Variants in HPSE2 observed in about 807,000 individuals in gnomAD.
The protein encoded by HPSE2 is heparanase 2 (inactive), also known as inactive heparanase-2.
HPSE2 carries 38 observed loss-of-function variants against 60.5 expected under a neutral mutation model. The observed-to-expected ratio is 0.63, with a 90% CI of 0.48 to 0.82. The LOEUF (loss-of-function observed/expected upper bound fraction) is 0.82, where lower values mean the gene tolerates loss of function less well. Among genes scored for constraint, HPSE2 ranks in the 40% least tolerant of loss-of-function variants. The probability of loss-of-function intolerance (pLI) is 0.00; values close to 1 mark genes in which losing one functional copy is unlikely to be tolerated. For missense variants in HPSE2, 713 were observed against 740.4 expected (o/e 0.96, Z 0.43); for synonymous variants, 295 against 293.2 (o/e 1.01, Z -0.06).
At chr10:99,115,270 C>G (rs1844640038) in intron 3 of HPSE2, among the ~76,000 whole-genome samples, 2 of 151,860 alleles carry the variant, frequency 1.3e-5, no homozygotes, top group South Asian at 4.2e-4. Context: ...TCTCCTGCCT[C>G]AGCCTCCCAA....
intron 9 of HPSE2, among the ~76,000 whole-genome samples, chr10:98,576,778 G>C (rs1055745865): frequency 6.6e-5 from 10 of 151,520 alleles, no homozygotes; most frequent in African/African-American, 1.9e-4. Flanking sequence ...CAGATCTCCA[G>C]GACCCCTGCT....
In HPSE2 at chr10:98,457,187, C is replaced by T. The variant is rs900334979; in HGVS notation, c.*2387G>A. The T allele has an allele frequency of 2.0e-5, 3 of 151,804 alleles. No individual in the cohort carries two copies. The highest frequency in any genetic ancestry group is 1.3e-4 in the Admixed American group (2 of 15,258). 9.4% of individuals were successfully genotyped at this position (151,804 alleles called of 1,614,324 possible). On this transcript the variant is annotated 3_prime_UTR_variant, in exon 12 of 12. Coordinates refer to ENST00000370552, the MANE Select transcript of HPSE2 (RefSeq NM_021828.5). ...GAAAGATAAAAGAAGCAGGAATTACCCATATTCTGCAAGGTTTAGTAAAAA... is the reference window on the plus strand; with the variant it reads ...GAAAGATAAAAGAAGCAGGAATTACTCATATTCTGCAAGGTTTAGTAAAAA...
Position 98,681,075 on chromosome 10 carries a change from A to ATT in HPSE2, c.1004+12823_1004+12824dup, listed in dbSNP as rs35135455. On this transcript the variant is annotated intron_variant, in intron 6 of 11. Transcript: ENST00000370552. ...CACCATGCCTGTCCCTGAATTGGTC[A>ATT]TTTTTTTTTTAATGGAATAACTTTT... 5.1e-4 allele frequency among the ~76,000 whole-genome samples: 75 copies of ATT among 148,098 alleles called. No individual in the cohort carries two copies. In the Middle Eastern group the frequency reaches 0.014, roughly 27 times the overall value.
At chr10:99,186,307 GGC>G (rs773174438) in intron 2 of HPSE2, among the ~76,000 whole-genome samples, 2 of 151,996 alleles carry the variant, frequency 1.3e-5, no homozygotes, top group Non-Finnish European at 2.9e-5. Flanking sequence ...CACTTTGAGA[GGC>G]CAAGGCAGGC....
At chr10:98,966,580 G>T (rs954730370) in intron 3 of HPSE2, among the ~76,000 whole-genome samples, 1 of 152,130 alleles carries the variant, frequency 6.6e-6, no homozygotes, top group Non-Finnish European at 1.5e-5. Context: ...TAAATGGTGG[G>T]ACTGTATTTT....
the HPSE2 span, among the ~76,000 whole-genome samples, chr10:99,246,266 C>T: frequency 1.3e-5 from 2 of 152,146 alleles, no homozygotes; most frequent in Non-Finnish European, 2.9e-5. Context: ...TTATTGAGGT[C>T]TGACAATGGA....
intron 3 of HPSE2, among the ~76,000 whole-genome samples, chr10:98,894,502 T>C (rs1200674244): frequency 6.6e-6 from 1 of 151,736 alleles, no homozygotes; most frequent in East Asian, 1.9e-4. Context: ...AAAAGTTCAG[T>C]AAAAGGTTAA....
At chr10:98,583,357 G>A (rs1471450908) in intron 9 of HPSE2, among the ~76,000 whole-genome samples, 1 of 152,232 alleles carries the variant, frequency 6.6e-6, no homozygotes, top group Non-Finnish European at 1.5e-5. Context: ...CCTCTGTAGA[G>A]TGTACTTTCG....
chr10:98,797,684 A>C (rs890253815), intron 3 of HPSE2, among the ~76,000 whole-genome samples: 1 of 151,928 alleles, frequency 6.6e-6, no homozygotes, highest in Non-Finnish European at 1.5e-5. Flanking sequence ...TCTACTAAAA[A>C]ATACAAAAAA....
chr10:98,486,713 C>T (rs1941453251), intron 10 of HPSE2, among the ~76,000 whole-genome samples: 1 of 152,138 alleles, frequency 6.6e-6, no homozygotes, highest in South Asian at 2.1e-4. Context: ...CTTTGCAGTC[C>T]ACGGTCATTC....
chr10:98,958,858 T>C (rs1046781131), intron 3 of HPSE2, among the ~76,000 whole-genome samples: 1 of 152,162 alleles, frequency 6.6e-6, no homozygotes, highest in African/African-American at 2.4e-5. Flanking sequence ...ACCTGAAGCA[T>C]AATATCAAAT....
chr10:99,022,403 T>C (rs1379892049), intron 3 of HPSE2, among the ~76,000 whole-genome samples: 2 of 151,976 alleles, frequency 1.3e-5, no homozygotes, highest in Non-Finnish European at 2.9e-5. Context: ...CCAAATAAAC[T>C]TGAAAGGCAG....
chr10:98,994,008 G>A (rs1026013158), intron 3 of HPSE2, among the ~76,000 whole-genome samples: 7 of 152,172 alleles, frequency 4.6e-5, no homozygotes, highest in Non-Finnish European at 1.0e-4. Context: ...CATGTTGGTA[G>A]CCACACTGAA....
chr10:98,731,156 C>T (rs374781783), intron 4 of HPSE2, among the ~76,000 whole-genome samples: 12 of 152,198 alleles, frequency 7.9e-5, no homozygotes, highest in African/African-American at 2.9e-4. Context: ...ATTAGAGGTG[C>T]ACACCTGTAA....
chr10:98,905,450 G>A (rs754315044), intron 3 of HPSE2, among the ~76,000 whole-genome samples: 3 of 152,090 alleles, frequency 2.0e-5, no homozygotes, highest in Non-Finnish European at 4.4e-5. Context: ...ACAGATGAGA[G>A]TTGGGGTGAG....
At position 99,178,319 on chromosome 10, in the gene HPSE2, A is replaced by G. The variant is rs551386815; in HGVS notation, c.449-33920T>C. 2.0e-5 allele frequency among the ~76,000 whole-genome samples: 3 copies of G among 152,048 alleles called. No individual in the cohort carries two copies. In the East Asian group the frequency reaches 5.8e-4, roughly 30 times the overall value. On this transcript the variant is annotated intron_variant, in intron 2 of 11. Coordinates refer to ENST00000370552, the MANE Select transcript of HPSE2 (RefSeq NM_021828.5). ...CACGAAAAATGCTTCAAAAAAATCAATGAGTCCAGGAGCTGGTTTTTTGAA... is the reference window on the plus strand; with the variant it reads ...CACGAAAAATGCTTCAAAAAAATCAGTGAGTCCAGGAGCTGGTTTTTTGAA...
At chr10:98,944,458 T>C (rs998899479) in intron 3 of HPSE2, among the ~76,000 whole-genome samples, 1 of 152,174 alleles carries the variant, frequency 6.6e-6, no homozygotes, top group Non-Finnish European at 1.5e-5. Flanking sequence ...CTAGAGGTGG[T>C]AGCACTGCCT....
chr10:98,589,462 A>G (rs936447817), intron 9 of HPSE2, among the ~76,000 whole-genome samples: 1 of 152,208 alleles, frequency 6.6e-6, no homozygotes, highest in Non-Finnish European at 1.5e-5. Flanking sequence ...ATGAGACTTC[A>G]TGCTTCCAAT....
chr10:99,107,346 T>A (rs1844287972), intron 3 of HPSE2, among the ~76,000 whole-genome samples: 1 of 152,176 alleles, frequency 6.6e-6, no homozygotes, highest in South Asian at 2.1e-4. Flanking sequence ...TAAGTACCAA[T>A]CAGTTTCTAT....
Sources: allele counts gnomAD v4.1 joint callset (sites outside exome capture counted in the v4.1 genomes callset), GRCh38; gene constraint gnomAD v4.1.1; transcripts MANE v1.5; gene names NCBI Gene and HGNC (gene_info 2026-07-23, HGNC 2026-07-21).